DAB1: variants seen among roughly 807,000 people sequenced by gnomAD.
DAB1 encodes the protein DAB adaptor protein 1.
A neutral mutation model predicts 64.6 loss-of-function variants in DAB1; 15 were observed. The ratio of observed to expected loss-of-function variants is 0.23; its 90% CI spans 0.16 to 0.36. DAB1 has a LOEUF of 0.36. Among genes scored for constraint, DAB1 ranks in the 10% least tolerant of loss-of-function variants. The pLI, the probability that DAB1 is intolerant of heterozygous loss-of-function variation, is 1.00. For synonymous variants in DAB1, 235 were observed against 251.9 expected (o/e 0.93, Z 0.64); for missense variants, 596 against 706.7 (o/e 0.84, Z 1.78).
At chr1:57,905,585 A>G (rs1644538134) in intron 5 of DAB1, among the ~76,000 whole-genome samples, 1 of 152,170 alleles carries the variant, frequency 6.6e-6, no homozygotes, top group Non-Finnish European at 1.5e-5. Flanking sequence ...ACATTTCAAG[A>G]TGGAGATAAG....
intron 9 of DAB1, among the ~76,000 whole-genome samples, chr1:57,055,576 G>A (rs1231363291): frequency 6.6e-6 from 1 of 152,200 alleles, no homozygotes; most frequent in African/African-American, 2.4e-5. Flanking sequence ...ATCAGTTGAT[G>A]CACTCAGGTG....
intron 4 of DAB1, among the ~76,000 whole-genome samples, chr1:58,300,630 G>A (rs867823397): frequency 0.13 from 8,827 of 69,656 alleles, 1,128 homozygotes; most frequent in Non-Finnish European, 0.18. Context: ...GAGAGAGAGA[G>A]AGAGAGAGAG....
chr1:58,188,307 A>G (rs1319515675), intron 4 of DAB1, among the ~76,000 whole-genome samples: 1 of 152,232 alleles, frequency 6.6e-6, no homozygotes, highest in Non-Finnish European at 1.5e-5. Flanking sequence ...AATATTTGCT[A>G]TTTGGTTCTT....
In DAB1 at chr1:58,062,480, G is replaced by A. The variant is rs369186900; in HGVS notation, n.387+88031C>T. Among the ~76,000 whole-genome samples, 8 of 152,346 alleles carry A rather than the reference G, an allele frequency of 5.3e-5. No individual in the cohort carries two copies. The East Asian group carries it at 1.3e-3, about 26-fold the overall frequency. On this transcript the variant is annotated intron_variant and non_coding_transcript_variant, in intron 5 of 20. Coordinates refer to the DAB1 transcript ENST00000485760. ...GGGAAGGCCCTGGCCACCTGCCTCT[G>A]CTATTCCAGCTTCCAAGACCTTCCA...
intron 7 of DAB1, among the ~76,000 whole-genome samples, chr1:57,606,468 CAT>C (rs1490662910): frequency 2.5e-5 from 2 of 80,718 alleles, no homozygotes; most frequent in African/African-American, 9.7e-5. Flanking sequence ...ATATATAATA[CAT>C]ATGAAATATA....
chr1:58,009,361 C>T (rs890497018), intron 5 of DAB1, among the ~76,000 whole-genome samples: 1 of 152,086 alleles, frequency 6.6e-6, no homozygotes. Flanking sequence ...AAACAATGAA[C>T]AATGTTCAAA....
At chr1:57,965,720 A>G (rs1645647402) in intron 5 of DAB1, among the ~76,000 whole-genome samples, 1 of 152,188 alleles carries the variant, frequency 6.6e-6, no homozygotes. Flanking sequence ...GAAATGTTGT[A>G]TTGACTGATA....
chr1:58,064,607 G>A (rs1427516668), intron 5 of DAB1, among the ~76,000 whole-genome samples: 1 of 152,208 alleles, frequency 6.6e-6, no homozygotes, highest in Non-Finnish European at 1.5e-5. Context: ...CACTGCAGGG[G>A]ACTCCAAGGC....
chr1:58,054,266 A>G (rs1647909828), intron 5 of DAB1, among the ~76,000 whole-genome samples: 1 of 152,216 alleles, frequency 6.6e-6, no homozygotes. Flanking sequence ...AATAACTCCT[A>G]TATCTACAAT....
At chr1:58,300,544 AAAAGAAAGAAAGAAAGAAAGAAAG>A (rs71043285) in intron 4 of DAB1, among the ~76,000 whole-genome samples, 3 of 101,084 alleles carry the variant, frequency 3.0e-5, no homozygotes, top group African/African-American at 8.5e-5. Context: ...TGAAACTCTG[AAAAGAAAGAAAGAAAGAAAGAAAG>A]AAAGAAAGAA....
intron 13 of DAB1, 145 bp from the exon 14 acceptor site, chr1:57,010,935 T>C (rs1359546488): frequency 4.6e-6 from 4 of 861,372 alleles, no homozygotes; most frequent in Non-Finnish European, 5.3e-6. Context: ...ACCACAAATG[T>C]GGACTTGTAG....
intron 4 of DAB1, among the ~76,000 whole-genome samples, chr1:58,299,697 C>T (rs1662077364): frequency 6.6e-6 from 1 of 152,282 alleles, no homozygotes; most frequent in South Asian, 2.1e-4. Flanking sequence ...GAATGTAACA[C>T]ATCTTTCTGG....
chr1:58,415,491 A>C (rs1349296234), intron 3 of DAB1: 1 of 243,416 alleles, frequency 4.1e-6, no homozygotes, highest in African/African-American at 2.3e-5. Context: ...ATATCCTAGA[A>C]AGGAGACAAA....
chr1:57,975,872 T>A (rs1336787088), intron 5 of DAB1, among the ~76,000 whole-genome samples: 1 of 152,202 alleles, frequency 6.6e-6, no homozygotes, highest in African/African-American at 2.4e-5. Context: ...ACACTACAAA[T>A]GTGCTTTTGA....
chr1:57,783,109 T>TC (rs1042962750), intron 6 of DAB1, among the ~76,000 whole-genome samples: 6 of 142,112 alleles, frequency 4.2e-5, no homozygotes, highest in African/African-American at 1.6e-4. Flanking sequence ...CTCTTTTCTT[T>TC]TTTTTTTTTT....
At chr1:58,360,233 G>A (rs574952908) in intron 3 of DAB1, among the ~76,000 whole-genome samples, 2 of 152,268 alleles carry the variant, frequency 1.3e-5, no homozygotes, top group South Asian at 4.1e-4. Flanking sequence ...CCTGGGCCAA[G>A]GGAAGGCTGC....
At chr1:57,996,917 T>G (rs1265376293) in intron 5 of DAB1, among the ~76,000 whole-genome samples, 1 of 152,112 alleles carries the variant, frequency 6.6e-6, no homozygotes, top group African/African-American at 2.4e-5. Context: ...TGTAAAGTAT[T>G]GTTAGAGTAG....
rs554477882 is a variant in DAB1 at position 58,088,868 on chromosome 1, C to T, written n.387+61643G>A. Among the ~76,000 whole-genome samples the T allele has an allele frequency of 7.2e-5, 11 of 152,164 alleles. No individual in the cohort carries two copies. In the East Asian group the frequency reaches 7.7e-4, roughly 11 times the overall value. On this transcript the variant is annotated intron_variant and non_coding_transcript_variant, in intron 5 of 20. Transcript: ENST00000485760. ...CATGAGAAAAGTCAGGGAAAGAAGCCGCAGCAGCACATGGGAGGGGCTGCT... is the reference window on the plus strand; with the variant it reads ...CATGAGAAAAGTCAGGGAAAGAAGCTGCAGCAGCACATGGGAGGGGCTGCT...
intron 1 of DAB1, among the ~76,000 whole-genome samples, chr1:57,393,177 T>A (rs1558299711): frequency 6.6e-6 from 1 of 152,172 alleles, no homozygotes; most frequent in Admixed American, 6.5e-5. Context: ...TGGTTTCTTA[T>A]GAAAAATGGG....
Sources: allele counts gnomAD v4.1 joint callset (sites outside exome capture counted in the v4.1 genomes callset), GRCh38; gene constraint gnomAD v4.1.1; transcripts MANE v1.5; gene names NCBI Gene and HGNC (gene_info 2026-07-23, HGNC 2026-07-21).